The following PKP2 variants were observed in gnomAD, a reference collection of about 807,000 sequenced individuals.
The protein encoded by PKP2 is plakophilin 2, also known as plakophilin-2.
In PKP2, 73 loss-of-function variants were observed where a neutral mutation model predicts 83.4. That is an observed-to-expected ratio of 0.88 (90% CI 0.72 to 1.06). The LOEUF is 1.06. Among genes scored for constraint, PKP2 ranks in the 50% least tolerant of loss-of-function variants. The pLI is 0.00. For missense variants in PKP2, 966 were observed against 1,065.4 expected (o/e 0.91, Z 1.30); for synonymous variants, 409 against 430.4 (o/e 0.95, Z 0.62).
In PKP2 at chr12:32,802,434, C is replaced by A; in HGVS notation, c.2136G>T (p.Leu712=). The change falls in exon 10 of 13, where the codon CTG becomes CTT. Residue 712 remains leucine (L), a synonymous_variant. Coordinates refer to ENST00000340811, the MANE Select transcript of PKP2 (RefSeq NM_001005242.3). The part of the protein sequence containing the change: ...KKTAISLLRN[L]SRNLSLQNEI... Reference sequence around the variant, plus strand: ...CATTCTGCAGAGAAAGATTCCGGGACAGATTCCTCAGCAGCGAGATGGCTG... The same window carrying A: ...CATTCTGCAGAGAAAGATTCCGGGAAAGATTCCTCAGCAGCGAGATGGCTG... The A allele has an allele frequency of 6.2e-7, 1 of 1,614,106 alleles. No homozygotes were observed. The highest frequency in any genetic ancestry group is 8.5e-7 in the Non-Finnish European group (1 of 1,179,996).
intron 11 of PKP2, among the ~76,000 whole-genome samples, chr12:32,795,405 G>C (rs1002789457): frequency 9.4e-5 from 14 of 149,452 alleles, no homozygotes; most frequent in South Asian, 2.1e-4. Flanking sequence ...TTTTGAGACA[G>C]AATCTCACTC....
At chr12:32,851,565 T>C (rs1306682016) in intron 4 of PKP2, among the ~76,000 whole-genome samples, 1 of 152,120 alleles carries the variant, frequency 6.6e-6, no homozygotes, top group East Asian at 1.9e-4. Context: ...GCCTCCCAGG[T>C]TCACACCATT....
chr12:32,871,272 T>C (rs1330600315), intron 3 of PKP2, among the ~76,000 whole-genome samples: 1 of 152,052 alleles, frequency 6.6e-6, no homozygotes, highest in East Asian at 1.9e-4. Context: ...TCTTCAAGAC[T>C]CAATTCAAGT....
chr12:32,873,306 C>T (rs1298172211), intron 3 of PKP2, among the ~76,000 whole-genome samples: 1 of 151,934 alleles, frequency 6.6e-6, no homozygotes, highest in African/African-American at 2.4e-5. Context: ...CCATGTTGCC[C>T]AGGCTGGTTT....
intron 3 of PKP2, among the ~76,000 whole-genome samples, chr12:32,871,626 C>T (rs946278589): frequency 1.1e-4 from 17 of 152,044 alleles, no homozygotes; most frequent in Admixed American, 5.9e-4. Flanking sequence ...CCACCACGCC[C>T]GGCTAATTTT....
At chr12:32,845,421 G>A (rs1002498722) in intron 5 of PKP2, among the ~76,000 whole-genome samples, 5 of 152,048 alleles carry the variant, frequency 3.3e-5, no homozygotes, top group South Asian at 2.1e-4. Context: ...GCGTGGTGGC[G>A]GGTGCCTGTA....
At chr12:32,800,047 T>A (rs1315966479) in intron 10 of PKP2, among the ~76,000 whole-genome samples, 3 of 150,636 alleles carry the variant, frequency 2.0e-5, no homozygotes, top group Non-Finnish European at 4.4e-5. Flanking sequence ...CATGTATGTT[T>A]TCCTCTTTTT....
intron 5 of PKP2, among the ~76,000 whole-genome samples, chr12:32,845,585 A>G (rs1956637528): frequency 6.6e-6 from 1 of 152,094 alleles, no homozygotes. Context: ...TAAAAAAATT[A>G]ATGACCTCTA....
intron 10 of PKP2, among the ~76,000 whole-genome samples, chr12:32,796,647 C>A (rs945965423): frequency 8.5e-5 from 13 of 152,268 alleles, no homozygotes; most frequent in Admixed American, 5.2e-4. Flanking sequence ...GATCCGCCAG[C>A]CTCGGCCTCC....
chr12:32,834,821 A>T (rs2137813291), intron 6 of PKP2, among the ~76,000 whole-genome samples: 1 of 152,166 alleles, frequency 6.6e-6, no homozygotes, highest in African/African-American at 2.4e-5. Flanking sequence ...AATAATAAAC[A>T]TTGGTTTTAT....
At position 32,825,912 on chromosome 12, in the gene PKP2, GTAATA is replaced by G. The variant is rs756551337; in HGVS notation, c.1557-1755_1557-1751del. Among the ~76,000 whole-genome samples, 5 of 151,840 alleles carry G rather than the reference GTAATA, an allele frequency of 3.3e-5. No individual in the cohort carries two copies. The South Asian group carries it at 6.3e-4, about 19-fold the overall frequency. On this transcript the variant is annotated intron_variant, in intron 6 of 12. Transcript: ENST00000340811. ...CTGTCTAAAAAATTAACAAAATAAA[GTAATA>G]TAATATAAGTGATTTCCAAAAGGCC...
chr12:32,841,295 C>A, intron 5 of PKP2, 90 bp from the exon 6 acceptor site: 1 of 1,068,238 alleles, frequency 9.4e-7, no homozygotes, highest in Non-Finnish European at 1.4e-6. Flanking sequence ...AACTCCAGGG[C>A]TATGACTAGT....
intron 4 of PKP2, among the ~76,000 whole-genome samples, chr12:32,865,372 C>T (rs12304417): frequency 1.1e-5 from 1 of 92,360 alleles, no homozygotes; most frequent in South Asian, 4.9e-4. Context: ...AAGACTCCAT[C>T]TCAGAAAAAA....
intron 2 of PKP2, 22 bp downstream of exon 2, chr12:32,878,898 G>T: frequency 8.4e-7 from 1 of 1,186,686 alleles, no homozygotes; most frequent in Non-Finnish European, 1.3e-6. Context: ...GATCACTAGG[G>T]TTACATTCTT....
chr12:32,894,745 G>A (rs971637615), intron 1 of PKP2: 1 of 152,156 alleles, frequency 6.6e-6, no homozygotes, highest in Non-Finnish European at 1.5e-5. Context: ...TCCTACGCAG[G>A]GGAAGCTGAT....
At chr12:32,876,710 C>T (rs1314340922) in intron 3 of PKP2, among the ~76,000 whole-genome samples, 1 of 152,026 alleles carries the variant, frequency 6.6e-6, no homozygotes, top group Admixed American at 6.6e-5. Flanking sequence ...TTGTATTGCT[C>T]GTAGATATGG....
At chr12:32,844,583 G>C (rs542770576) in intron 5 of PKP2, among the ~76,000 whole-genome samples, 3 of 152,204 alleles carry the variant, frequency 2.0e-5, no homozygotes, top group Non-Finnish European at 4.4e-5. Context: ...TCTAAAGAAG[G>C]AGATTTTGGC....
At chr12:32,819,515 T>C (rs908517177) in intron 9 of PKP2, among the ~76,000 whole-genome samples, 12 of 152,076 alleles carry the variant, frequency 7.9e-5, no homozygotes, top group African/African-American at 2.4e-4. Context: ...TTTATGGACC[T>C]GGTACCTTAA....
chr12:32,882,976 C>A (rs1470066120), intron 1 of PKP2, among the ~76,000 whole-genome samples: 1 of 152,160 alleles, frequency 6.6e-6, no homozygotes, highest in Non-Finnish European at 1.5e-5. Flanking sequence ...AATTATTTTT[C>A]TTTCCTCTAA....
Sources: gnomAD v4.1 joint callset for allele counts (sites outside exome capture counted in the v4.1 genomes callset) on GRCh38, gnomAD v4.1.1 for gene constraint, MANE v1.5 for transcripts, NCBI Gene and HGNC (gene_info 2026-07-23, HGNC 2026-07-21) for gene names.